The following HPSE2 variants were observed in gnomAD, a reference collection of about 807,000 sequenced individuals.
HPSE2 encodes heparanase 2 (inactive).
Under a neutral mutation model 60.5 loss-of-function variants are expected in HPSE2, and 38 were observed. The ratio of observed to expected loss-of-function variants is 0.63; its 90% CI spans 0.48 to 0.82. The LOEUF (loss-of-function observed/expected upper bound fraction) is 0.82, where lower values mean the gene tolerates loss of function less well. Among genes scored for constraint, HPSE2 ranks in the 40% least tolerant of loss-of-function variants. The pLI is 0.00. For synonymous variants in HPSE2, 295 were observed against 293.2 expected, an observed-to-expected ratio of 1.01 and a Z score of -0.06; for missense variants, 713 against 740.4, an observed-to-expected ratio of 0.96 and a Z score of 0.43.
At chr10:98,708,814 TTC>T (rs1948609409) in intron 5 of HPSE2, among the ~76,000 whole-genome samples, 1 of 152,214 alleles carries the variant, frequency 6.6e-6, no homozygotes, top group Non-Finnish European at 1.5e-5. Context: ...AGGACAACTA[TTC>T]TGTTTCCAGA....
intron 2 of HPSE2, among the ~76,000 whole-genome samples, chr10:99,228,893 GC>G (rs1849558319): frequency 6.6e-6 from 1 of 152,118 alleles, no homozygotes; most frequent in Non-Finnish European, 1.5e-5. Flanking sequence ...TCACATCGGG[GC>G]CAGGCACAGT....
At chr10:98,864,778 C>T (rs1041318984) in intron 3 of HPSE2, among the ~76,000 whole-genome samples, 4 of 152,128 alleles carry the variant, frequency 2.6e-5, no homozygotes, top group Middle Eastern at 3.2e-3. Flanking sequence ...CTGATTAAGC[C>T]TGCAAAGTTT....
intron 3 of HPSE2, among the ~76,000 whole-genome samples, chr10:98,998,900 T>C (rs556472690): frequency 1.3e-5 from 2 of 152,284 alleles, no homozygotes; most frequent in South Asian, 2.1e-4. Context: ...TCAAAGGACA[T>C]GTTATTATTC....
chr10:98,860,517 ATTACT>A (rs1189879165), intron 3 of HPSE2, among the ~76,000 whole-genome samples: 1 of 152,208 alleles, frequency 6.6e-6, no homozygotes, highest in African/African-American at 2.4e-5. Context: ...TTTTACATGT[ATTACT>A]TTACTTAATC....
chr10:99,186,243 G>A (rs571682922), intron 2 of HPSE2, among the ~76,000 whole-genome samples: 1 of 151,304 alleles, frequency 6.6e-6, no homozygotes, highest in East Asian at 1.9e-4. Flanking sequence ...GCCTATAAAG[G>A]AATAAGAATA....
intron 3 of HPSE2, among the ~76,000 whole-genome samples, chr10:99,081,581 AGATGATGATGATGAT>A (rs34159388): frequency 4.1e-5 from 6 of 147,306 alleles, no homozygotes; most frequent in African/African-American, 7.5e-5. Context: ...CTACTACTAA[AGATGATGATGATGAT>A]GATGATGATG....
chr10:98,522,510 C>G (rs1027689594), intron 9 of HPSE2, among the ~76,000 whole-genome samples: 2 of 152,106 alleles, frequency 1.3e-5, no homozygotes, highest in Non-Finnish European at 2.9e-5. Context: ...GAATCTTGCT[C>G]TGTCACCAGG....
chr10:98,981,085 C>T (rs1380712059), intron 3 of HPSE2, among the ~76,000 whole-genome samples: 1 of 151,994 alleles, frequency 6.6e-6, no homozygotes, highest in African/African-American at 2.4e-5. Context: ...GATGAAATAT[C>T]AAGAGAAAAA....
intron 3 of HPSE2, chr10:99,047,865 GA>G: frequency 2.6e-6 from 2 of 772,728 alleles, no homozygotes; most frequent in East Asian, 4.9e-5. Flanking sequence ...AGGATGGCAA[GA>G]AAAGCTGGCA....
chr10:98,752,304 A>G (rs1446146544), intron 3 of HPSE2, among the ~76,000 whole-genome samples: 1 of 152,220 alleles, frequency 6.6e-6, no homozygotes, highest in East Asian at 1.9e-4. Flanking sequence ...GAAATAAACT[A>G]AAATGTGATA....
At chr10:99,150,486 A>T (rs1032065145) in intron 2 of HPSE2, among the ~76,000 whole-genome samples, 4 of 152,080 alleles carry the variant, frequency 2.6e-5, no homozygotes, top group African/African-American at 9.7e-5. Context: ...ACCTGGCTAA[A>T]TTTTAAAAAT....
intron 2 of HPSE2, among the ~76,000 whole-genome samples, chr10:99,221,671 T>C (rs1849318344): frequency 1.3e-5 from 2 of 152,032 alleles, no homozygotes; most frequent in Non-Finnish European, 2.9e-5. Flanking sequence ...ATGGGTAGAA[T>C]GTGGCAGAGG....
At chr10:98,866,876 T>C (rs1952600484) in intron 3 of HPSE2, among the ~76,000 whole-genome samples, 1 of 152,088 alleles carries the variant, frequency 6.6e-6, no homozygotes, top group African/African-American at 2.4e-5. Flanking sequence ...ATAAGAAATG[T>C]TAAAGATTGT....
At chr10:99,302,567 G>A in the HPSE2 span, among the ~76,000 whole-genome samples, 1 of 152,074 alleles carries the variant, frequency 6.6e-6, no homozygotes, top group Non-Finnish European at 1.5e-5. Flanking sequence ...ATACCCATGA[G>A]GAAATTAATT....
chr10:98,777,908 T>C (rs2065876), intron 3 of HPSE2, among the ~76,000 whole-genome samples: 123,786 of 152,022 alleles, frequency 0.81, 50,876 homozygotes, highest in African/African-American at 0.9. Flanking sequence ...CATGATGTGG[T>C]CCTTCATGGC....
chr10:98,580,196 T>C (rs1036136123), intron 9 of HPSE2, among the ~76,000 whole-genome samples: 2 of 152,172 alleles, frequency 1.3e-5, no homozygotes, highest in African/African-American at 4.8e-5. Flanking sequence ...GTTTTTAAAA[T>C]TTTTTTCAGT....
At chr10:99,201,518 C>T (rs575967210) in intron 2 of HPSE2, among the ~76,000 whole-genome samples, 1 of 152,280 alleles carries the variant, frequency 6.6e-6, no homozygotes, top group African/African-American at 2.4e-5. Flanking sequence ...AATTCTAAAG[C>T]TGTCTCAGAT....
At chr10:99,235,451 G>C in intron 1 of HPSE2, 62 bp downstream of exon 1, 1 of 1,438,276 alleles carries the variant, frequency 7.0e-7, no homozygotes, top group Non-Finnish European at 9.8e-7. Flanking sequence ...ATGGGGGATA[G>C]GAAGGGCTTG....
chr10:98,987,182 G>C (rs373110117), intron 3 of HPSE2, among the ~76,000 whole-genome samples: 223 of 151,116 alleles, frequency 1.5e-3, no homozygotes, highest in Middle Eastern at 6.8e-3. Context: ...CTGGCAGAGA[G>C]ACAACAAAAA....
Sources: gnomAD v4.1 joint callset for allele counts (sites outside exome capture counted in the v4.1 genomes callset) on GRCh38, gnomAD v4.1.1 for gene constraint, MANE v1.5 for transcripts, NCBI Gene and HGNC (gene_info 2026-07-23, HGNC 2026-07-21) for gene names.